The following CLIC6 variants were observed in gnomAD, a reference collection of about 807,000 sequenced individuals.
CLIC6 encodes chloride intracellular channel protein 6.
CLIC6 carries 39 observed loss-of-function variants against 49.2 expected under a neutral mutation model. The observed-to-expected ratio is 0.79, with a 90% CI of 0.61 to 1.04. The LOEUF (loss-of-function observed/expected upper bound fraction) is 1.04, where lower values mean the gene tolerates loss of function less well. CLIC6 is among the 50% of genes least tolerant of loss of function. The pLI is 0.00. For missense variants in CLIC6, 988 were observed against 993.1 expected, an observed-to-expected ratio of 0.99 and a Z score of 0.07; for synonymous variants, 446 against 433.4, an observed-to-expected ratio of 1.03 and a Z score of -0.36.
At chr21:34,689,910 C>G (rs1989958859) in intron 1 of CLIC6, among the ~76,000 whole-genome samples, 1 of 152,182 alleles carries the variant, frequency 6.6e-6, no homozygotes, top group African/African-American at 2.4e-5. Flanking sequence ...ATGCTTCTTG[C>G]TCCACACTGT....
chr21:34,677,500 A>C (rs1027151607), intron 1 of CLIC6, among the ~76,000 whole-genome samples: 8 of 152,210 alleles, frequency 5.3e-5, no homozygotes, highest in Admixed American at 3.9e-4. Flanking sequence ...TACAACAAGA[A>C]ATCCAGAGAT....
intron 1 of CLIC6, among the ~76,000 whole-genome samples, chr21:34,704,394 C>A (rs1050059046): frequency 2.6e-5 from 4 of 152,146 alleles, no homozygotes. Context: ...CAGACTGAGA[C>A]AGAAAGGAAT....
intron 1 of CLIC6, among the ~76,000 whole-genome samples, chr21:34,699,242 ATGTTTTGTTT>A (rs574541220): frequency 6.6e-6 from 1 of 151,876 alleles, no homozygotes; most frequent in African/African-American, 2.4e-5. Flanking sequence ...GGTAGCTGTC[ATGTTTTGTTT>A]TGTTTTGTTT....
At chr21:34,711,744 G>A (rs967432730) in intron 5 of CLIC6, among the ~76,000 whole-genome samples, 14 of 151,784 alleles carry the variant, frequency 9.2e-5, no homozygotes, top group East Asian at 3.9e-4. Context: ...CTTTTTGTGC[G>A]TGAGGATACT....
At chr21:34,698,702 C>T (rs1207669620) in intron 1 of CLIC6, among the ~76,000 whole-genome samples, 1 of 152,184 alleles carries the variant, frequency 6.6e-6, no homozygotes, top group Non-Finnish European at 1.5e-5. Flanking sequence ...TGAAGAAAGA[C>T]AAGACACTAG....
chr21:34,716,498 T>C lies in CLIC6; in HGVS notation c.*16T>C. On this transcript the variant is annotated 3_prime_UTR_variant, in exon 6 of 6. Coordinates refer to ENST00000349499, the MANE Select transcript of CLIC6 (RefSeq NM_053277.3). ...AATGAAATGAAGCTGGGCTGTTTTC[T>C]GTCTTATTTCTCAGTTGAGTGAGCA... is the stretch of plus-strand genomic sequence containing the variant. 2 of 1,599,104 alleles carry C rather than the reference T, an allele frequency of 1.3e-6. No individual in the cohort carries two copies. Among genetic ancestry groups the C allele is most frequent in the Non-Finnish European group, 8.5e-7 (1 of 1,172,266 alleles).
chr21:34,707,238 T>C (rs748546437), intron 1 of CLIC6, 42 bp from the exon 2 acceptor site: 1 of 1,448,236 alleles, frequency 6.9e-7, no homozygotes, highest in Non-Finnish European at 9.7e-7. Flanking sequence ...CACTTATAAT[T>C]GTGAGACTGG....
intron 1 of CLIC6, among the ~76,000 whole-genome samples, chr21:34,685,182 A>C (rs538004823): frequency 1.3e-5 from 2 of 152,034 alleles, no homozygotes; most frequent in Non-Finnish European, 2.9e-5. Context: ...GCTGATATGC[A>C]CTCCAGCAAT....
chr21:34,706,498 C>T (rs960557921), intron 1 of CLIC6, among the ~76,000 whole-genome samples: 33 of 152,300 alleles, frequency 2.2e-4, no homozygotes, highest in Admixed American at 2.6e-4. Context: ...AACCTTAAGA[C>T]TTTTATCACT....
At position 34,716,387 on chromosome 21, in the gene CLIC6, A is replaced by C; in HGVS notation, c.1966A>C (p.Asn656His). Residue 656 changes from asparagine (N) to histidine (H), a missense_variant, in exon 6 of 6, where the codon AAT (asparagine) becomes CAT (histidine). This residue lies in a region of CLIC6 where 647 missense variants were observed against 596.9 expected (regional missense o/e 1.08). Coordinates refer to ENST00000349499, the MANE Select transcript of CLIC6 (RefSeq NM_053277.3). Reference protein sequence around the residue: ...SEMTGIWRYLNNAYARDEFTN... With the variant: ...SEMTGIWRYLHNAYARDEFTN... The stretch of plus-strand genomic sequence containing the variant: ...AATGACTGGCATCTGGAGATACTTG[A>C]ATAATGCTTATGCTAGAGATGAGTT... 4.3e-6 allele frequency: 7 copies of C among 1,613,930 alleles called. No individual in the cohort carries two copies. The highest frequency in any genetic ancestry group is 5.9e-6 in the Non-Finnish European group (7 of 1,179,808).
intron 3 of CLIC6, among the ~76,000 whole-genome samples, 184 bp downstream of exon 3, chr21:34,708,253 C>T (rs2056030698): frequency 6.6e-6 from 1 of 152,156 alleles, no homozygotes; most frequent in South Asian, 2.1e-4. Context: ...TGTGCTGCAC[C>T]TGCAGCTTGG....
intron 1 of CLIC6, among the ~76,000 whole-genome samples, chr21:34,683,408 A>T (rs1989818348): frequency 6.6e-6 from 1 of 152,222 alleles, no homozygotes; most frequent in Admixed American, 6.5e-5. Flanking sequence ...TCTTGGCCAG[A>T]TATTCTATTT....
chr21:34,696,941 G>T (rs924049735), intron 1 of CLIC6, among the ~76,000 whole-genome samples: 1 of 152,054 alleles, frequency 6.6e-6, no homozygotes, highest in African/African-American at 2.4e-5. Flanking sequence ...TTCCTGGGAC[G>T]CGGCACCCGT....
intron 1 of CLIC6, among the ~76,000 whole-genome samples, chr21:34,695,925 T>C (rs1990080199): frequency 6.6e-6 from 1 of 152,120 alleles, no homozygotes; most frequent in Non-Finnish European, 1.5e-5. Context: ...GCCTGCCTTG[T>C]TGGAAGAAAG....
chr21:34,676,635 C>T (rs1355979504), intron 1 of CLIC6, among the ~76,000 whole-genome samples: 5 of 152,114 alleles, frequency 3.3e-5, no homozygotes, highest in Non-Finnish European at 5.9e-5. Flanking sequence ...CGATGAGCAG[C>T]AGGCCATAGG....
intron 1 of CLIC6, among the ~76,000 whole-genome samples, chr21:34,674,845 G>C (rs138496600): frequency 7.4e-4 from 112 of 152,260 alleles, no homozygotes; most frequent in African/African-American, 2.6e-3. Flanking sequence ...CAAAACACTA[G>C]CAGCAGAGAG....
Position 34,669,281 on chromosome 21 carries a change from G to A in CLIC6, c.-108G>A, listed in dbSNP as rs1337454283. The A allele has an allele frequency of 1.3e-5, 12 of 939,254 alleles. No individual in the cohort carries two copies. The highest frequency in any genetic ancestry group is 2.8e-6 in the Non-Finnish European group (2 of 721,458). The allele number at this position is 939,254 out of a possible 1,614,324, so 58.2% of individuals were successfully genotyped here. A position where few individuals can be genotyped will look rare whatever the true frequency, so the allele number is the denominator to read the frequency against. ...TTTGCCGCAGGATCCCGGAGCCGGC[G>A]TCCTTCAAGGAGCACAGAGGGCCCC... On this transcript the variant is annotated 5_prime_UTR_variant, in exon 1 of 6. Transcript: ENST00000349499.
chr21:34,693,487 A>C (rs966474127), intron 1 of CLIC6, among the ~76,000 whole-genome samples: 1 of 152,202 alleles, frequency 6.6e-6, no homozygotes, highest in African/African-American at 2.4e-5. Flanking sequence ...AGGTTCTAAA[A>C]ACCATAGTAA....
At chr21:34,675,607 G>A (rs1389872506) in intron 1 of CLIC6, among the ~76,000 whole-genome samples, 2 of 152,162 alleles carry the variant, frequency 1.3e-5, no homozygotes, top group East Asian at 3.9e-4. Flanking sequence ...ACTTGGGGGT[G>A]GAAACAGGTG....
Sources: allele counts gnomAD v4.1 joint callset (sites outside exome capture counted in the v4.1 genomes callset), GRCh38; gene constraint gnomAD v4.1.1; regional missense constraint gnomAD v4.1.1; transcripts MANE v1.5; gene names NCBI Gene and HGNC (gene_info 2026-07-23, HGNC 2026-07-21).